Variants in ABCC9 observed in about 807,000 individuals in gnomAD.
ABCC9 encodes the protein ATP-binding cassette sub-family C member 9.
Under a neutral mutation model 188.3 loss-of-function variants are expected in ABCC9, and 95 were observed. The observed-to-expected ratio is 0.50, with a 90% CI of 0.43 to 0.60. The LOEUF is 0.60. Ranked by LOEUF, ABCC9 falls within the 20% of genes least tolerant of loss-of-function variation. ABCC9 has a pLI of 0.00. For missense variants in ABCC9, 1,102 were observed against 1,876.3 expected (o/e 0.59, Z 7.62); for synonymous variants, 659 against 652.7 (o/e 1.01, Z -0.15).
chr12:21,844,570 G>A lies in ABCC9; in HGVS notation c.3246-18C>T. 6.2e-7 allele frequency: 1 copy of A among 1,609,990 alleles called. No homozygotes were observed. The highest frequency in any genetic ancestry group is 8.5e-7 in the Non-Finnish European group (1 of 1,176,374). On this transcript the variant is annotated intron_variant, in intron 27 of 39. Coordinates refer to ENST00000261200, the MANE Select transcript of ABCC9 (RefSeq NM_020297.4). The stretch of plus-strand genomic sequence containing the variant: ...CAAAAAACCTAGGCAATAAACAGAT[G>A]GAAGTATATGATAATACTAAACTAT...
chr12:21,848,201 G>T lies in ABCC9; in HGVS notation c.2815C>A (p.Arg939=), dbSNP rs373890183. The T allele has an allele frequency of 1.2e-6, 2 of 1,613,560 alleles. No individual in the cohort carries two copies. Among genetic ancestry groups the T allele is most frequent in the Non-Finnish European group, 1.7e-6 (2 of 1,179,620 alleles). ...QTTLERKTLR[R]AMYSREAKAQ... Reference sequence around the variant, plus strand: ...TTGGCTTCTCTTGAATACATGGCCCGTCGGAGAGTTTTCCTCTCTAAAGTA... The same window carrying T: ...TTGGCTTCTCTTGAATACATGGCCCTTCGGAGAGTTTTCCTCTCTAAAGTA... Residue 939 remains arginine (R), a synonymous_variant, in exon 25 of 40, where the codon CGG becomes AGG. Transcript: ENST00000261200.
intron 4 of ABCC9, among the ~76,000 whole-genome samples, chr12:21,933,124 A>G (rs1949352699): frequency 6.6e-6 from 1 of 151,884 alleles, no homozygotes; most frequent in East Asian, 1.9e-4. Flanking sequence ...GCAAACTAAC[A>G]GGAATAGAAA....
chr12:21,883,441 G>A (rs1016577893), intron 15 of ABCC9, among the ~76,000 whole-genome samples: 3 of 152,206 alleles, frequency 2.0e-5, no homozygotes, highest in African/African-American at 7.2e-5. Flanking sequence ...ATGTGCCTTT[G>A]CTTCTCCTTT....
Position 21,801,158 on chromosome 12 carries a change from C to T in ABCC9, c.4536G>A (p.Thr1512=), listed in dbSNP as rs186493048. 7.6e-5 allele frequency: 122 copies of T among 1,613,920 alleles called. 1 individual carries two copies. The East Asian group carries it at 2.0e-3, about 27-fold the overall frequency. The change falls in exon 40 of 40, where the codon ACG becomes ACA. Residue 1512 remains threonine, a synonymous_variant. Transcript: ENST00000261200. Reference sequence around the variant, plus strand: ...GCTTCATCACAATAACCAGGTCTGCCGTCAGAATAGTGTGTACTCGATGCT... The same window carrying T: ...GCTTCATCACAATAACCAGGTCTGCTGTCAGAATAGTGTGTACTCGATGCT... ...TIAHRVHTIL[T]ADLVIVMKRG...
intron 37 of ABCC9, among the ~76,000 whole-genome samples, chr12:21,808,418 C>T (rs1248961676): frequency 6.6e-6 from 1 of 152,052 alleles, no homozygotes; most frequent in Non-Finnish European, 1.5e-5. Flanking sequence ...ACCATAACCC[C>T]AAAACACTAT....
At position 21,862,977 on chromosome 12, in the gene ABCC9, A is replaced by G. The variant is rs775448788; in HGVS notation, c.2315T>C (p.Phe772Ser). ...CCTCTGTTTGTTAAAAGGACTTCCA[A>G]AAGTAATATTTTCTTCTACTGTAGC... ...LNATVEENIT[F>S]GSPFNKQRYK... The change falls in exon 20 of 40, where the codon TTT becomes TCT. Residue 772 changes from phenylalanine (F) to serine (S), a missense_variant. Coordinates refer to ENST00000261200, the MANE Select transcript of ABCC9 (RefSeq NM_020297.4). The G allele has an allele frequency of 3.1e-6, 5 of 1,611,806 alleles. No individual in the cohort carries two copies. The highest frequency in any genetic ancestry group is 3.3e-4 in the Middle Eastern group (2 of 6,034).
At chr12:21,915,377 TATATAG>T (rs1171569937) in intron 7 of ABCC9, among the ~76,000 whole-genome samples, 1,827 of 144,476 alleles carry the variant, frequency 0.013, 40 homozygotes, top group Middle Eastern at 0.051. Context: ...TATGTGTGTA[TATATAG>T]ACATGTGTAT....
intron 30 of ABCC9, among the ~76,000 whole-genome samples, chr12:21,835,390 T>C (rs1944018173): frequency 6.6e-6 from 1 of 152,192 alleles, no homozygotes; most frequent in African/African-American, 2.4e-5. Flanking sequence ...TATGATGCAG[T>C]GTGCTAAGTT....
At chr12:21,915,474 ATATATG>A (rs1400634893) in intron 7 of ABCC9, among the ~76,000 whole-genome samples, 188 bp downstream of exon 7, 3 of 5,546 alleles carry the variant, frequency 5.4e-4, no homozygotes, top group Non-Finnish European at 6.7e-4. Flanking sequence ...ATGTGTGTGT[ATATATG>A]TGTGTGTGTG....
intron 26 of ABCC9, 22 bp downstream of exon 26, chr12:21,845,581 A>C: frequency 6.2e-7 from 1 of 1,600,686 alleles, no homozygotes; most frequent in Non-Finnish European, 8.6e-7. Flanking sequence ...ATGATTTAAA[A>C]ACAAAACCGA....
chr12:21,902,826 G>A (rs552838402), intron 12 of ABCC9, among the ~76,000 whole-genome samples: 2 of 152,262 alleles, frequency 1.3e-5, no homozygotes, highest in East Asian at 1.9e-4. Flanking sequence ...AACAGTCCAG[G>A]ACCAGATGGA....
chr12:21,895,917 A>G (rs959425667), intron 12 of ABCC9, among the ~76,000 whole-genome samples: 3 of 152,140 alleles, frequency 2.0e-5, no homozygotes, highest in African/African-American at 7.2e-5. Flanking sequence ...AGCTTGAAAT[A>G]CTAGTGTTTG....
chr12:21,814,733 A>G lies in ABCC9; in HGVS notation c.4024-11T>C. 3.7e-6 allele frequency: 6 copies of G among 1,612,898 alleles called. No individual in the cohort carries two copies. The highest frequency in any genetic ancestry group is 5.1e-6 in the Non-Finnish European group (6 of 1,178,904). On this transcript the variant is annotated splice_polypyrimidine_tract_variant and intron_variant, in intron 34 of 39. Transcript: ENST00000261200. ...ACCACATATGCCCACCTAGGAAAAC[A>G]GCTGTCACTCAAAGAGAAGAGGACT...
chr12:21,895,190 T>C, intron 13 of ABCC9, 85 bp downstream of exon 13: 1 of 1,191,954 alleles, frequency 8.4e-7, no homozygotes, highest in Non-Finnish European at 1.3e-6. Flanking sequence ...AGGTAATATA[T>C]ATTACTACCC....
rs1174314931 is a variant in ABCC9 at position 21,841,347 on chromosome 12, C to CTTT, written c.3473+964_3473+966dup. 1.7e-3 allele frequency among the ~76,000 whole-genome samples: 33 copies of CTTT among 19,598 alleles called. 6 individuals are homozygous for CTTT. Among genetic ancestry groups the CTTT allele is most frequent in the Non-Finnish European group, 1.7e-3 (18 of 10,656 alleles). 12.9% of individuals were successfully genotyped at this position (19,598 alleles called of 152,430 possible). On this transcript the variant is annotated intron_variant, in intron 29 of 39. Coordinates refer to ENST00000261200, the MANE Select transcript of ABCC9 (RefSeq NM_020297.4). ...TCTTTGGGATTATGTTTCTGGTTTCCTTTTTTTTTTTTTTTTTTTTTTTTT... is the reference window on the plus strand; with the variant it reads ...TCTTTGGGATTATGTTTCTGGTTTCCTTTTTTTTTTTTTTTTTTTTTTTTTTTT...
chr12:21,828,955 T>A lies in ABCC9; in HGVS notation c.3669+3A>T. On this transcript the variant is annotated splice_donor_region_variant and intron_variant, in intron 31 of 39. Coordinates refer to ENST00000261200, the MANE Select transcript of ABCC9 (RefSeq NM_020297.4). ...CCATTTCGAAATCATGAAATGAACG[T>A]ACCGTCCTGACCTCCAGCCATCTGT... is the stretch of plus-strand genomic sequence containing the variant. The A allele has an allele frequency of 6.2e-7, 1 of 1,612,080 alleles. No individual in the cohort carries two copies.
chr12:21,892,224 T>C (rs1947191909), intron 14 of ABCC9, among the ~76,000 whole-genome samples: 1 of 152,096 alleles, frequency 6.6e-6, no homozygotes, highest in Non-Finnish European at 1.5e-5. Flanking sequence ...TACCACGGAA[T>C]TGTATACCAT....
rs185119098 is a variant in ABCC9, at chr12:21,925,796, A to G, written c.406+146T>C. 32 of 887,056 alleles carry G rather than the reference A, an allele frequency of 3.6e-5. No homozygotes were observed. In the Admixed American group the frequency reaches 3.8e-4, roughly 11 times the overall value. 54.9% of individuals were successfully genotyped at this position (887,056 alleles called of 1,614,324 possible). On this transcript the variant is annotated intron_variant, in intron 5 of 39. Coordinates refer to ENST00000261200, the MANE Select transcript of ABCC9 (RefSeq NM_020297.4). ...TCAACCCCACATTTACTGGGCAGCTACAGGAGAATTAATCACTGGTTTTCC... is the reference window on the plus strand; with the variant it reads ...TCAACCCCACATTTACTGGGCAGCTGCAGGAGAATTAATCACTGGTTTTCC...
At chr12:21,915,514 A>ATATATTTTTTTTTTTTTTTTTTT in intron 7 of ABCC9, among the ~76,000 whole-genome samples, 154 bp downstream of exon 7, 1 of 3,522 alleles carries the variant, frequency 2.8e-4, no homozygotes, top group South Asian at 0.023. Flanking sequence ...ATATATATAT[A>ATATATTTTTTTTTTTTTTTTTTT]TTTTTTTTTT....
Sources: gnomAD v4.1 joint callset for allele counts (sites outside exome capture counted in the v4.1 genomes callset) on GRCh38, gnomAD v4.1.1 for gene constraint, MANE v1.5 for transcripts, NCBI Gene and HGNC (gene_info 2026-07-23, HGNC 2026-07-21) for gene names.